The following GRID1 variants were observed in gnomAD, a reference collection of about 807,000 sequenced individuals.
GRID1 encodes glutamate ionotropic receptor delta type subunit 1.
A neutral mutation model predicts 98.0 loss-of-function variants in GRID1; 28 were observed. That is an observed-to-expected ratio of 0.29 (90% CI 0.21 to 0.39). The LOEUF is 0.39. Ranked by LOEUF, GRID1 falls within the 10% of genes least tolerant of loss-of-function variation. The pLI, the probability that GRID1 is intolerant of heterozygous loss-of-function variation, is 1.00. For synonymous variants in GRID1, 553 were observed against 538.5 expected (o/e 1.03, Z -0.37); for missense variants, 1,111 against 1,340.5 (o/e 0.83, Z 2.67).
At chr10:85,905,624 A>G (rs1841450446) in intron 5 of GRID1, among the ~76,000 whole-genome samples, 1 of 152,158 alleles carries the variant, frequency 6.6e-6, no homozygotes, top group African/African-American at 2.4e-5. Flanking sequence ...GGAGGGTAAC[A>G]CGGAGGGATA....
chr10:85,643,260 T>G (rs1843145886), intron 13 of GRID1, among the ~76,000 whole-genome samples: 1 of 152,160 alleles, frequency 6.6e-6, no homozygotes, highest in African/African-American at 2.4e-5. Flanking sequence ...CTCGGTGGGC[T>G]TCTCCTCACC....
intron 6 of GRID1, among the ~76,000 whole-genome samples, chr10:85,861,726 G>T (rs1454032144): frequency 6.6e-6 from 1 of 152,162 alleles, no homozygotes; most frequent in Non-Finnish European, 1.5e-5. Flanking sequence ...AGGCAGGCAG[G>T]GTATGGCTGG....
intron 2 of GRID1, among the ~76,000 whole-genome samples, chr10:86,360,336 TG>T (rs766482759): frequency 1.3e-5 from 2 of 152,142 alleles, no homozygotes; most frequent in Admixed American, 1.3e-4. Flanking sequence ...AATACAGTGG[TG>T]GGGGGAAGAC....
chr10:85,675,135 A>C (rs1015046191), intron 12 of GRID1, among the ~76,000 whole-genome samples: 2 of 152,210 alleles, frequency 1.3e-5, no homozygotes. Flanking sequence ...AAAGAAACCT[A>C]TTCCCAGGGA....
chr10:85,662,145 C>T (rs1207484932), intron 12 of GRID1, among the ~76,000 whole-genome samples: 1 of 152,216 alleles, frequency 6.6e-6, no homozygotes, highest in East Asian at 1.9e-4. Context: ...AGTCACTCAG[C>T]AGATGTTGCA....
intron 8 of GRID1, among the ~76,000 whole-genome samples, chr10:85,744,418 A>G (rs906307613): frequency 2.0e-5 from 3 of 151,940 alleles, no homozygotes; most frequent in Admixed American, 6.6e-5. Context: ...ATAACGCTGC[A>G]TATCTACAAC....
chr10:86,150,897 T>C (rs962553432), intron 3 of GRID1, among the ~76,000 whole-genome samples: 8 of 152,176 alleles, frequency 5.3e-5, no homozygotes, highest in African/African-American at 1.9e-4. Flanking sequence ...ACCTTGATCT[T>C]GGACTTCTCA....
intron 12 of GRID1, among the ~76,000 whole-genome samples, chr10:85,706,269 G>A (rs1841517029): frequency 6.6e-6 from 1 of 152,082 alleles, no homozygotes; most frequent in African/African-American, 2.4e-5. Context: ...CAAAGTCTCA[G>A]GATACAAAAT....
chr10:86,182,203 G>T (rs772382816), intron 3 of GRID1, among the ~76,000 whole-genome samples: 2 of 152,234 alleles, frequency 1.3e-5, no homozygotes, highest in South Asian at 4.2e-4. Flanking sequence ...GTGCTTCCCC[G>T]TAGCCTAACC....
chr10:85,615,847 A>G (rs1842781765), intron 14 of GRID1, among the ~76,000 whole-genome samples: 1 of 152,198 alleles, frequency 6.6e-6, no homozygotes, highest in South Asian at 2.1e-4. Flanking sequence ...TCAGGGACAG[A>G]TAGGCAGGAC....
chr10:86,126,207 G>A (rs1167613885), intron 4 of GRID1, among the ~76,000 whole-genome samples: 4 of 152,220 alleles, frequency 2.6e-5, no homozygotes, highest in East Asian at 3.9e-4. Flanking sequence ...TGTAATCCCA[G>A]CACTTTGGGA....
At chr10:86,154,279 T>A (rs7915663) in intron 3 of GRID1, among the ~76,000 whole-genome samples, 33,997 of 152,032 alleles carry the variant, frequency 0.22, 5,011 homozygotes, top group African/African-American at 0.42. Flanking sequence ...ACTGTCCCAC[T>A]CTCTCCCCTT....
At chr10:86,086,753 T>C (rs769386693) in intron 4 of GRID1, among the ~76,000 whole-genome samples, 1 of 152,142 alleles carries the variant, frequency 6.6e-6, no homozygotes, top group African/African-American at 2.4e-5. Flanking sequence ...CACAGATATA[T>C]GTGTGTGGAC....
intron 4 of GRID1, among the ~76,000 whole-genome samples, chr10:85,961,638 TTCTC>T (rs72297624): frequency 6.6e-6 from 1 of 151,566 alleles, no homozygotes; most frequent in Non-Finnish European, 1.5e-5. Flanking sequence ...TCATCTGTTT[TTCTC>T]TCTTTCCCTC....
intron 14 of GRID1, among the ~76,000 whole-genome samples, chr10:85,619,281 TC>T (rs1842829654): frequency 2.0e-5 from 3 of 152,162 alleles, no homozygotes. Flanking sequence ...AGACAGCATC[TC>T]CTTGGACCAG....
intron 4 of GRID1, among the ~76,000 whole-genome samples, chr10:85,926,108 GGT>G (rs1841771031): frequency 6.6e-6 from 1 of 152,064 alleles, no homozygotes; most frequent in African/African-American, 2.4e-5. Flanking sequence ...TCTACCTCAT[GGT>G]GCTAGGGAGG....
At chr10:85,613,119 C>A in intron 15 of GRID1, 1 of 428,618 alleles carries the variant, frequency 2.3e-6, no homozygotes, top group South Asian at 3.4e-5. Context: ...GGGAAGGGCT[C>A]TCTGGCGCTG....
chr10:86,232,380 T>C (rs1213908317), intron 2 of GRID1, among the ~76,000 whole-genome samples: 3 of 152,206 alleles, frequency 2.0e-5, no homozygotes, highest in Non-Finnish European at 4.4e-5. Flanking sequence ...CCAGTCTCTA[T>C]AATGGGGACA....
At chr10:86,096,241 G>A (rs746249198) in intron 4 of GRID1, among the ~76,000 whole-genome samples, 2 of 152,158 alleles carry the variant, frequency 1.3e-5, no homozygotes, top group Non-Finnish European at 2.9e-5. Context: ...CAAATATGGT[G>A]CAGTGTATAC....
Sources: allele counts gnomAD v4.1 joint callset (sites outside exome capture counted in the v4.1 genomes callset), GRCh38; gene constraint gnomAD v4.1.1; transcripts MANE v1.5; gene names NCBI Gene and HGNC (gene_info 2026-07-23, HGNC 2026-07-21).